The following SRGAP1 variants were observed in gnomAD, a reference collection of about 807,000 sequenced individuals.
SRGAP1 encodes the protein SLIT-ROBO Rho GTPase-activating protein 1.
Under a neutral mutation model 121.9 loss-of-function variants are expected in SRGAP1, and 43 were observed. That is an observed-to-expected ratio of 0.35 (90% CI 0.28 to 0.46). The LOEUF is 0.46. Ranked by LOEUF, SRGAP1 falls within the 20% of genes least tolerant of loss-of-function variation. SRGAP1 has a pLI of 1.00. For missense variants in SRGAP1, 1,102 were observed against 1,350.9 expected (o/e 0.82, Z 2.89); for synonymous variants, 447 against 485.4 (o/e 0.92, Z 1.04).
rs780968640 is a variant in SRGAP1 at position 64,143,710 on chromosome 12, CACAGGAGGA to C, written c.*1039_*1047del. 0.25 allele frequency: 37,416 copies of C among 151,936 alleles called. 4,982 individuals are homozygous for C. Among genetic ancestry groups the C allele is most frequent in the East Asian group, 0.58 (2,971 of 5,130 alleles). The allele number at this position is 151,936 out of a possible 1,614,324, so 9.4% of individuals were successfully genotyped here. ...TACTCCCAGCTACTCGGGTGGTTTA[CACAGGAGGA>C]TGGCTTTGGGCCTAGTAGTTCGAGT... On this transcript the variant is annotated 3_prime_UTR_variant, in exon 22 of 22. Transcript: ENST00000355086.
chr12:64,009,164 A>G (rs1004983533), intron 3 of SRGAP1, among the ~76,000 whole-genome samples: 1 of 152,194 alleles, frequency 6.6e-6, no homozygotes, highest in African/African-American at 2.4e-5. Flanking sequence ...AGTTCAGCAT[A>G]TTGAAAATGG....
chr12:63,986,579 C>T (rs141937256), intron 2 of SRGAP1, among the ~76,000 whole-genome samples: 2,220 of 152,200 alleles, frequency 0.015, 26 homozygotes, highest in African/African-American at 0.031. Context: ...CCCACCACCA[C>T]GCCTGGCTAA....
At chr12:64,003,534 A>G (rs991709625) in intron 3 of SRGAP1, among the ~76,000 whole-genome samples, 5 of 151,904 alleles carry the variant, frequency 3.3e-5, no homozygotes, top group South Asian at 4.1e-4. Flanking sequence ...GAAAAATGCT[A>G]TAACTAAAAC....
chr12:63,845,725 A>G (rs1039561452), intron 1 of SRGAP1, among the ~76,000 whole-genome samples: 12 of 152,164 alleles, frequency 7.9e-5, no homozygotes, highest in African/African-American at 2.9e-4. Flanking sequence ...TTTCGTAAAC[A>G]TATGTGTTAC....
intron 3 of SRGAP1, among the ~76,000 whole-genome samples, chr12:64,010,010 G>A (rs191320533): frequency 1.3e-5 from 2 of 152,208 alleles, no homozygotes; most frequent in African/African-American, 2.4e-5. Context: ...TGAATTAAGG[G>A]AATGTATCAT....
intron 6 of SRGAP1, among the ~76,000 whole-genome samples, chr12:64,048,017 T>C (rs1051743804): frequency 1.3e-5 from 2 of 152,192 alleles, no homozygotes; most frequent in Non-Finnish European, 1.5e-5. Flanking sequence ...TATTTTTAAG[T>C]GTACAACAAA....
intron 18 of SRGAP1, among the ~76,000 whole-genome samples, chr12:64,118,246 G>A (rs1184992032): frequency 6.6e-6 from 1 of 152,066 alleles, no homozygotes; most frequent in Admixed American, 6.6e-5. Flanking sequence ...CACATCCTTG[G>A]CAACGCTTAT....
intron 1 of SRGAP1, among the ~76,000 whole-genome samples, chr12:63,904,878 G>A (rs2030125271): frequency 6.6e-6 from 1 of 152,148 alleles, no homozygotes; most frequent in South Asian, 2.1e-4. Flanking sequence ...AGGCTGCAGT[G>A]AGTCACAATT....
intron 1 of SRGAP1, among the ~76,000 whole-genome samples, chr12:63,891,890 G>A (rs1309191599): frequency 1.3e-5 from 2 of 151,184 alleles, no homozygotes; most frequent in African/African-American, 2.4e-5. Flanking sequence ...TGGGGCTGAG[G>A]CATGACATTT....
At chr12:63,910,680 AG>A (rs2030451898) in intron 1 of SRGAP1, among the ~76,000 whole-genome samples, 1 of 152,338 alleles carries the variant, frequency 6.6e-6, no homozygotes, top group East Asian at 1.9e-4. Context: ...GGAGGCATAA[AG>A]AAGGCAAATA....
intron 1 of SRGAP1, among the ~76,000 whole-genome samples, chr12:63,871,097 A>G (rs1006872750): frequency 1.5e-4 from 23 of 152,294 alleles, no homozygotes; most frequent in African/African-American, 5.3e-4. Flanking sequence ...CAAGGACCAC[A>G]CTTTGGGAAC....
chr12:63,940,421 G>A (rs2031823955), intron 1 of SRGAP1, among the ~76,000 whole-genome samples: 1 of 150,898 alleles, frequency 6.6e-6, no homozygotes, highest in Non-Finnish European at 1.5e-5. Flanking sequence ...AAAAAAAAAG[G>A]CTGAGCAGAA....
At chr12:64,097,152 A>G in intron 14 of SRGAP1, 89 bp from the exon 15 acceptor site, 2 of 1,308,512 alleles carry the variant, frequency 1.5e-6, no homozygotes, top group Non-Finnish European at 2.1e-6. Context: ...ATACATGTAT[A>G]TATAGCAACG....
At chr12:63,871,953 T>C in intron 1 of SRGAP1, 1 of 1,123,870 alleles carries the variant, frequency 8.9e-7, no homozygotes, top group Non-Finnish European at 1.4e-6. Flanking sequence ...CCTCTTTCCC[T>C]GGGCATACGA....
chr12:64,152,485 C>T lies in SRGAP1; in HGVS notation c.*9813C>T, dbSNP rs955604452. The T allele has an allele frequency of 1.3e-5, 2 of 152,228 alleles. No homozygotes were observed. Among genetic ancestry groups the T allele is most frequent in the Non-Finnish European group, 2.9e-5 (2 of 68,046 alleles). The allele number at this position is 152,228 out of a possible 1,614,324, so 9.4% of individuals were successfully genotyped here. On this transcript the variant is annotated 3_prime_UTR_variant, in exon 22 of 22. Transcript: ENST00000355086. ...CATCTTTGTATCTTCAAGCCTAATG[C>T]ATCACTAACTAAATAGCAAATCGGC...
chr12:63,857,042 T>C (rs1170622053), intron 1 of SRGAP1, among the ~76,000 whole-genome samples: 2 of 152,152 alleles, frequency 1.3e-5, no homozygotes, highest in African/African-American at 4.8e-5. Context: ...GAGATCTCTT[T>C]CAAGAGTGTT....
chr12:64,001,282 C>T (rs1377116504), intron 3 of SRGAP1, among the ~76,000 whole-genome samples: 1 of 152,190 alleles, frequency 6.6e-6, no homozygotes, highest in African/African-American at 2.4e-5. Flanking sequence ...TTTTAAAAAG[C>T]AACTGAAGAG....
At chr12:63,920,092 G>A (rs1005816448) in intron 1 of SRGAP1, among the ~76,000 whole-genome samples, 1 of 152,176 alleles carries the variant, frequency 6.6e-6, no homozygotes, top group Admixed American at 6.5e-5. Flanking sequence ...TTTTCCGAAG[G>A]AGCATCACCA....
intron 8 of SRGAP1, among the ~76,000 whole-genome samples, chr12:64,073,297 GTTGA>G (rs1593101482): frequency 6.6e-6 from 1 of 152,140 alleles, no homozygotes; most frequent in African/African-American, 2.4e-5. Context: ...AAATGGTGTT[GTTGA>G]TTTTGATTCT....
Sources: gnomAD v4.1 joint callset for allele counts (sites outside exome capture counted in the v4.1 genomes callset) on GRCh38, gnomAD v4.1.1 for gene constraint, MANE v1.5 for transcripts, NCBI Gene and HGNC (gene_info 2026-07-23, HGNC 2026-07-21) for gene names.